MGST1: variants seen among roughly 807,000 people sequenced by gnomAD.
MGST1 encodes microsomal glutathione S-transferase 1, also known as glutathione S-transferase 12.
Under a neutral mutation model 8.9 loss-of-function variants are expected in MGST1, and 5 were observed. That is an observed-to-expected ratio of 0.56 (90% CI 0.29 to 1.19). MGST1 has a LOEUF of 1.19. MGST1 is among the 50% of genes most tolerant of loss of function. The probability of loss-of-function intolerance (pLI) is 0.08; values close to 1 mark genes in which losing one functional copy is unlikely to be tolerated. For missense variants in MGST1, 182 were observed against 187.4 expected (o/e 0.97, Z 0.17); for synonymous variants, 54 against 67.8 (o/e 0.80, Z 1.00).
downstream of MGST1, among the ~76,000 whole-genome samples, chr12:16,439,685 G>A (rs538692113): frequency 1.3e-4 from 19 of 151,856 alleles, no homozygotes; most frequent in Middle Eastern, 3.4e-3. Flanking sequence ...AACTCTCCAA[G>A]CTGATTTAGG....
At chr12:16,424,295 A>G (rs1940866460) in intron 1 of MGST1, among the ~76,000 whole-genome samples, 1 of 152,210 alleles carries the variant, frequency 6.6e-6, no homozygotes, top group African/African-American at 2.4e-5. Context: ...ACCTTGATCA[A>G]AGCCTTCCTG....
At chr12:16,376,053 T>G in intron 3 of MGST1, 1 of 1,072,740 alleles carries the variant, frequency 9.3e-7, no homozygotes, top group Non-Finnish European at 1.3e-6. Flanking sequence ...AAATGTATTT[T>G]ATGTGTTCAC....
chr12:16,370,286 A>T (rs1400657586), intron 3 of MGST1: 1 of 152,176 alleles, frequency 6.6e-6, no homozygotes, highest in African/African-American at 2.4e-5. Flanking sequence ...AGATGGGACA[A>T]GGAACAAATA....
At chr12:16,551,392 A>G in intron 4 of MGST1, 2 of 990,728 alleles carry the variant, frequency 2.0e-6, no homozygotes, top group Non-Finnish European at 3.2e-6. Flanking sequence ...AAATTTGAAG[A>G]TTTATTTTCC....
chr12:16,436,611 A>T (rs1385228048), intron 1 of MGST1, among the ~76,000 whole-genome samples: 1 of 152,060 alleles, frequency 6.6e-6, no homozygotes, highest in African/African-American at 2.4e-5. Context: ...TAAATAAAAG[A>T]TAATGATAAC....
chr12:16,376,822 C>A (rs938821719), exon 4 of MGST1: 1 of 151,742 alleles, frequency 6.6e-6, no homozygotes, highest in African/African-American at 2.4e-5. Context: ...GATATAATAT[C>A]ATCTGTATAT....
Position 16,565,983 on chromosome 12 carries a change from C to CATATATATATAT in MGST1, n.483-23499_483-23488dup, listed in dbSNP as rs61358392. On this transcript the variant is annotated intron_variant and non_coding_transcript_variant, in intron 4 of 4. Coordinates refer to the MGST1 transcript ENST00000538857. ...GGATGAATGGATGAAGAAAATGTGC[C>CATATATATATAT]ATATATATATATATATATATATATA... Among the ~76,000 whole-genome samples, 3 of 43,850 alleles carry CATATATATATAT rather than the reference C, an allele frequency of 6.8e-5. 1 individual carries two copies. Among genetic ancestry groups the CATATATATATAT allele is most frequent in the Non-Finnish European group, 1.3e-4 (3 of 22,902 alleles). The allele number at this position is 43,850 out of a possible 152,430, so 28.8% of individuals were successfully genotyped here. A position where few individuals can be genotyped will look rare whatever the true frequency, so the allele number is the denominator to read the frequency against.
intron 4 of MGST1, among the ~76,000 whole-genome samples, chr12:16,473,659 G>C (rs1713151258): frequency 6.6e-6 from 1 of 152,124 alleles, no homozygotes; most frequent in Admixed American, 6.5e-5. Context: ...ATTCTTGACT[G>C]TGCTGTTTGT....
In MGST1 at chr12:16,560,772, A is replaced by G. The variant is rs754371324; in HGVS notation, n.483-28756A>G. 1 of 549,432 alleles carries G rather than the reference A, an allele frequency of 1.8e-6. No individual in the cohort carries two copies. Among genetic ancestry groups the G allele is most frequent in the Non-Finnish European group, 3.3e-6 (1 of 299,084 alleles). 34.0% of individuals were successfully genotyped at this position (549,432 alleles called of 1,614,324 possible). A position where few individuals can be genotyped will look rare whatever the true frequency, so the allele number is the denominator to read the frequency against. ...GAGAAGAAAAGGAAAAGACAAATAC[A>G]TTAGGAAGCTTACGTAACTGCACAT... is the stretch of plus-strand genomic sequence containing the variant. On this transcript the variant is annotated intron_variant and non_coding_transcript_variant, in intron 4 of 4. Transcript: ENST00000538857. This position sits in a 1 kb window ranked among gnomAD's most constrained non-coding sequence, Gnocchi z 5.0.
rs1009858011 is a variant in MGST1, at chr12:16,551,945, C to T, written n.483-37583C>T. ...CCTTTGTTTGTGGCAAGTTCACCAA[C>T]ATGAAATAGTAGATGTCATTTCTTA... On this transcript the variant is annotated intron_variant and non_coding_transcript_variant, in intron 4 of 4. Transcript: ENST00000538857. Among the ~76,000 whole-genome samples the T allele has an allele frequency of 5.9e-5, 9 of 151,990 alleles. No homozygotes were observed. In the East Asian group the frequency reaches 1.7e-3, roughly 29 times the overall value.
intron 4 of MGST1, among the ~76,000 whole-genome samples, chr12:16,561,671 G>A (rs1942410854): frequency 3.3e-5 from 5 of 152,174 alleles, no homozygotes; most frequent in Admixed American, 1.3e-4. Flanking sequence ...ACTCCAAAGA[G>A]AAGTCTTTTC....
In MGST1 at chr12:16,364,169, TTGAATATTA is replaced by T. The variant is rs542648010; in HGVS notation, c.*129_*137del. 512 of 1,383,046 alleles carry T rather than the reference TTGAATATTA, an allele frequency of 3.7e-4. 8 individuals are homozygous for T. The South Asian group carries it at 9.0e-3, about 24-fold the overall frequency. 85.7% of individuals were successfully genotyped at this position (1,383,046 alleles called of 1,614,324 possible). ...AATTATGAACTGGGGTAAACCCATT[TTGAATATTA>T]GCATTGCCAATATCCTGTATTCTTG... On this transcript the variant is annotated 3_prime_UTR_variant, in exon 4 of 4. Coordinates refer to ENST00000396210, the MANE Select transcript of MGST1 (RefSeq NM_020300.5). The surrounding 1 kb of genome is among the most constrained non-coding windows in gnomAD (Gnocchi z 5.7).
intron 4 of MGST1, among the ~76,000 whole-genome samples, chr12:16,504,783 T>C (rs1941526848): frequency 6.6e-6 from 1 of 152,228 alleles, no homozygotes; most frequent in Non-Finnish European, 1.5e-5. Context: ...ATTCAAGTTC[T>C]CTTATCCCCT....
At chr12:16,536,560 A>G (rs1941758036) in intron 4 of MGST1, among the ~76,000 whole-genome samples, 1 of 152,158 alleles carries the variant, frequency 6.6e-6, no homozygotes. Flanking sequence ...ATGACAATGT[A>G]TTTGTCCATT....
At chr12:16,380,572 C>T (rs549824283), downstream of MGST1, among the ~76,000 whole-genome samples, 178 of 151,978 alleles carry the variant, frequency 1.2e-3, 1 homozygote, top group African/African-American at 4.1e-3. Context: ...ACTATGTGGT[C>T]GATTTTGGAG....
Position 16,361,308 on chromosome 12 carries a change from A to C in MGST1, c.222-2487A>C, listed in dbSNP as rs1591701727. 6.6e-6 allele frequency among the ~76,000 whole-genome samples: 1 copy of C among 152,162 alleles called. No individual in the cohort carries two copies. On this transcript the variant is annotated intron_variant, in intron 3 of 3. Transcript: ENST00000396210. This position sits in a 1 kb window ranked among gnomAD's most constrained non-coding sequence, Gnocchi z 4.2. ...AGCAATGGCAGTCCAGGTCAGGTGG[A>C]TGCTGGGATCCAAGTAATTCTGATC... is the stretch of plus-strand genomic sequence containing the variant.
At chr12:16,464,931 T>G (rs1941243465) in intron 4 of MGST1, among the ~76,000 whole-genome samples, 1 of 152,200 alleles carries the variant, frequency 6.6e-6, no homozygotes, top group Non-Finnish European at 1.5e-5. Flanking sequence ...GGCTCATGCC[T>G]CATTTCCCCT....
chr12:16,410,976 ATGTACC>A lies in MGST1; in HGVS notation n.779-26410_779-26405del, dbSNP rs1940737847. 6.6e-6 allele frequency among the ~76,000 whole-genome samples: 1 copy of A among 152,058 alleles called. No homozygotes were observed. Among genetic ancestry groups the A allele is most frequent in the Non-Finnish European group, 1.5e-5 (1 of 68,032 alleles). ...CTTTTTTCTGACATGGAACCTTTGA[ATGTACC>A]TTTCCCTCTGCCTGCAATGCTATGC... On this transcript the variant is annotated intron_variant and non_coding_transcript_variant, in intron 1 of 1. Transcript: ENST00000359720. This position sits in a 1 kb window ranked among gnomAD's most constrained non-coding sequence, Gnocchi z 4.4.
chr12:16,512,117 A>G (rs982475889), intron 4 of MGST1, among the ~76,000 whole-genome samples: 1 of 152,272 alleles, frequency 6.6e-6, no homozygotes, highest in Non-Finnish European at 1.5e-5. Context: ...AGCTAAAATA[A>G]CAACTATATT....
Sources: allele counts gnomAD v4.1 joint callset (sites outside exome capture counted in the v4.1 genomes callset), GRCh38; gene constraint gnomAD v4.1.1; non-coding constraint Gnocchi (gnomAD v3.1); transcripts MANE v1.5; gene names NCBI Gene and HGNC (gene_info 2026-07-23, HGNC 2026-07-21).